VWA3B: variants seen among roughly 807,000 people sequenced by gnomAD.
The protein encoded by VWA3B is von Willebrand factor A domain-containing protein 3B.
In VWA3B, 138 loss-of-function variants were observed where a neutral mutation model predicts 158.3. That is an observed-to-expected ratio of 0.87 (90% CI 0.76 to 1.00). VWA3B has a LOEUF of 1.00. VWA3B is among the 50% of genes least tolerant of loss of function. The pLI is 0.00. For missense variants in VWA3B, 1,555 were observed against 1,565.1 expected, an observed-to-expected ratio of 0.99 and a Z score of 0.11; for synonymous variants, 596 against 587.3, an observed-to-expected ratio of 1.01 and a Z score of -0.21.
chr2:98,218,140 T>A, intron 14 of VWA3B, 112 bp downstream of exon 14: 1 of 1,210,778 alleles, frequency 8.3e-7, no homozygotes. Context: ...GATAACTAAG[T>A]CAAAAAAATG....
At chr2:98,101,291 G>A (rs1278780982) in intron 2 of VWA3B, among the ~76,000 whole-genome samples, 2 of 152,136 alleles carry the variant, frequency 1.3e-5, no homozygotes, top group Non-Finnish European at 1.5e-5. Context: ...TATATACAAC[G>A]TATATATACT....
intron 10 of VWA3B, among the ~76,000 whole-genome samples, chr2:98,192,053 G>C (rs2105415613): frequency 6.6e-6 from 1 of 152,334 alleles, no homozygotes. Flanking sequence ...TTATTACAGA[G>C]CTCTGGGGCT....
intron 12 of VWA3B, among the ~76,000 whole-genome samples, chr2:98,200,763 C>T (rs1013137726): frequency 7.2e-5 from 11 of 152,256 alleles, no homozygotes; most frequent in African/African-American, 2.6e-4. Context: ...TGCAGTCATG[C>T]AGGTTTTCTC....
chr2:98,128,434 G>C, intron 6 of VWA3B, 26 bp downstream of exon 6: 1 of 1,604,970 alleles, frequency 6.2e-7, no homozygotes, highest in Non-Finnish European at 8.5e-7. Context: ...GCTCTTGAGT[G>C]ACAGCAAGCG....
the VWA3B span, among the ~76,000 whole-genome samples, chr2:98,326,984 T>A: frequency 6.6e-6 from 1 of 151,086 alleles, no homozygotes; most frequent in African/African-American, 2.4e-5. Context: ...TTCTGTTGTT[T>A]TGAGTCACTT....
At chr2:98,281,456 G>A (rs568334738) in intron 22 of VWA3B, among the ~76,000 whole-genome samples, 1 of 152,304 alleles carries the variant, frequency 6.6e-6, no homozygotes, top group African/African-American at 2.4e-5. Context: ...ACGACAATTA[G>A]GGGATTGTAT....
chr2:98,159,497 C>T (rs989484448), intron 7 of VWA3B, among the ~76,000 whole-genome samples: 14 of 152,080 alleles, frequency 9.2e-5, no homozygotes, highest in African/African-American at 3.4e-4. Context: ...GATCCTCCTG[C>T]CTAGGCCTCC....
At chr2:98,228,098 G>A in intron 14 of VWA3B, 104 bp from the exon 15 acceptor site, 1 of 1,337,786 alleles carries the variant, frequency 7.5e-7, no homozygotes, top group Non-Finnish European at 1.0e-6. Context: ...AGACCAGCGT[G>A]GGCAACATAG....
chr2:98,236,619 G>C lies in VWA3B; in HGVS notation c.2562G>C (p.Leu854Phe). The change falls in exon 19 of 28, where the codon TTG becomes TTC. Residue 854 changes from leucine (L) to phenylalanine (F), a missense_variant. Leu to Phe is a conservative substitution (Grantham distance 22). Transcript: ENST00000477737. ...SSENWLKTYG[L>F]VAKKLTLMDA... ...AAAACTGGCTGAAGACCTATGGCTT[G>C]GTCGCCAAGAAACTCACCCTCATGG... The C allele has an allele frequency of 3.1e-6, 5 of 1,613,912 alleles. No individual in the cohort carries two copies. The highest frequency in any genetic ancestry group is 4.2e-6 in the Non-Finnish European group (5 of 1,180,002).
chr2:98,317,421 G>A (rs1196538936), downstream of VWA3B, among the ~76,000 whole-genome samples: 1 of 152,190 alleles, frequency 6.6e-6, no homozygotes, highest in Non-Finnish European at 1.5e-5. Context: ...GAGGGGAAGT[G>A]GGGGTCGGAG....
At chr2:98,230,003 C>A (rs1359221389) in intron 15 of VWA3B, 47 bp from the exon 16 acceptor site, 12 of 1,520,428 alleles carry the variant, frequency 7.9e-6, no homozygotes, top group South Asian at 2.7e-5. Flanking sequence ...TGGAAATTTT[C>A]TTTTCTCTCT....
At chr2:98,285,974 G>A (rs1347883591) in intron 22 of VWA3B, among the ~76,000 whole-genome samples, 1 of 152,012 alleles carries the variant, frequency 6.6e-6, no homozygotes, top group Non-Finnish European at 1.5e-5. Flanking sequence ...TTAGTTTTGA[G>A]TGTATAAGTC....
chr2:98,162,946 C>T lies in VWA3B; in HGVS notation c.1084C>T (p.Pro362Ser). 6.2e-7 allele frequency: 1 copy of T among 1,614,134 alleles called. No individual in the cohort carries two copies. The highest frequency in any genetic ancestry group is 1.1e-5 in the South Asian group (1 of 91,074). ...AQIQRLVAEPPKPDVATVDCE... is the reference protein window; with the variant it reads ...AQIQRLVAEPSKPDVATVDCE... ...GATCCAGAGGCTGGTGGCCGAGCCT[C>T]CCAAGCCCGACGTGGCCACTGTGGA... Residue 362 changes from proline to serine, a missense_variant, in exon 8 of 28, where the codon CCC becomes TCC. Transcript: ENST00000477737.
At chr2:98,098,266 T>C (rs1306558584) in intron 2 of VWA3B, among the ~76,000 whole-genome samples, 1 of 151,426 alleles carries the variant, frequency 6.6e-6, no homozygotes, top group Non-Finnish European at 1.5e-5. Context: ...CATTTTCTGG[T>C]TGATTTTCTC....
intron 7 of VWA3B, among the ~76,000 whole-genome samples, chr2:98,153,797 C>T (rs1304946887): frequency 6.6e-6 from 1 of 152,214 alleles, no homozygotes; most frequent in Non-Finnish European, 1.5e-5. Flanking sequence ...ACTGACAAGG[C>T]TGAGAGACTT....
chr2:98,205,890 C>T (rs1682975279), intron 12 of VWA3B, among the ~76,000 whole-genome samples: 1 of 152,172 alleles, frequency 6.6e-6, no homozygotes, highest in Non-Finnish European at 1.5e-5. Flanking sequence ...AGAGGGCATA[C>T]TCTGTATGAT....
chr2:98,303,653 G>T (rs1371513378), intron 25 of VWA3B, 49 bp from the exon 26 acceptor site: 1 of 1,537,394 alleles, frequency 6.5e-7, no homozygotes, highest in Admixed American at 1.7e-5. Context: ...TATCTGAATT[G>T]TGGACATTTC....
At chr2:98,281,555 A>C (rs79792432) in intron 22 of VWA3B, among the ~76,000 whole-genome samples, 5,931 of 152,284 alleles carry the variant, frequency 0.039, 170 homozygotes, top group Middle Eastern at 0.075. Context: ...GTTCTAGTTA[A>C]TTTGTAGAAA....
intron 21 of VWA3B, among the ~76,000 whole-genome samples, chr2:98,265,286 A>G (rs1449964751): frequency 6.6e-6 from 1 of 150,560 alleles, no homozygotes; most frequent in Non-Finnish European, 1.5e-5. Flanking sequence ...GAGTGAGAAT[A>G]TGCGGTGTTT....
Sources: allele counts gnomAD v4.1 joint callset (sites outside exome capture counted in the v4.1 genomes callset), GRCh38; gene constraint gnomAD v4.1.1; transcripts MANE v1.5; gene names NCBI Gene and HGNC (gene_info 2026-07-23, HGNC 2026-07-21).